CEP290: variants seen among roughly 807,000 people sequenced by gnomAD.
CEP290 encodes centrosomal protein 290.
In CEP290, 317 loss-of-function variants were observed where a neutral mutation model predicts 344.9. The ratio of observed to expected loss-of-function variants is 0.92; its 90% CI spans 0.84 to 1.01. The LOEUF (loss-of-function observed/expected upper bound fraction) is 1.01, where lower values mean the gene tolerates loss of function less well. Among genes scored for constraint, CEP290 ranks in the 50% least tolerant of loss-of-function variants. The pLI is 0.00. For missense variants in CEP290, 2,754 were observed against 2,761.4 expected, an observed-to-expected ratio of 1.00 and a Z score of 0.06; for synonymous variants, 932 against 895.8, an observed-to-expected ratio of 1.04 and a Z score of -0.72.
At chr12:88,128,822 T>G (rs1441732811) in intron 11 of CEP290, 124 bp downstream of exon 11, 1 of 544,444 alleles carries the variant, frequency 1.8e-6, no homozygotes, top group African/African-American at 2.0e-5. Context: ...TAAAATAAAC[T>G]TATGTTTAAA....
rs1431792160 is a variant in CEP290, at chr12:88,129,769, T to C, written c.777A>G (p.Arg259=). Residue 259 remains arginine (R), a synonymous_variant, in exon 10 of 54, where the codon AGA becomes AGG. Transcript: ENST00000552810. ...CTGTCTGATGCACAATAGCTTTCAT[T>C]CTATTATATTCATCAGTCATCTTCT... The part of the protein sequence containing the change: ...EMEKMTDEYN[R]MKAIVHQTDN... 3.4e-6 allele frequency: 5 copies of C among 1,482,640 alleles called. No individual in the cohort carries two copies. The highest frequency in any genetic ancestry group is 4.5e-6 in the Non-Finnish European group (5 of 1,105,048). The allele number at this position is 1,482,640 out of a possible 1,614,324, so 91.8% of individuals were successfully genotyped here.
chr12:88,131,902 A>T (rs1480045687), intron 6 of CEP290, among the ~76,000 whole-genome samples: 1 of 152,204 alleles, frequency 6.6e-6, no homozygotes, highest in Non-Finnish European at 1.5e-5. Context: ...AACATAAATT[A>T]CTTAGAAATA....
chr12:88,097,167 C>CAT (rs913585692), intron 26 of CEP290, among the ~76,000 whole-genome samples, 168 bp from the exon 27 acceptor site: 13 of 151,852 alleles, frequency 8.6e-5, no homozygotes, highest in Non-Finnish European at 1.3e-4. Context: ...CAAACACATA[C>CAT]ATATATATAT....
chr12:88,115,325 T>C (rs866516189), intron 18 of CEP290, 143 bp from the exon 19 acceptor site: 5 of 690,880 alleles, frequency 7.2e-6, no homozygotes, highest in Middle Eastern at 5.1e-4. Flanking sequence ...GCAGCAATCA[T>C]AAAAATAAAC....
At chr12:88,124,517 T>A (rs903252499) in intron 13 of CEP290, among the ~76,000 whole-genome samples, 4 of 152,114 alleles carry the variant, frequency 2.6e-5, no homozygotes, top group African/African-American at 9.7e-5. Context: ...CTATTTCTTC[T>A]TCATGTCATA....
intron 46 of CEP290, among the ~76,000 whole-genome samples, 200 bp from the exon 47 acceptor site, chr12:88,061,194 G>C (rs887535526): frequency 5.9e-5 from 9 of 152,062 alleles, no homozygotes; most frequent in African/African-American, 2.2e-4. Context: ...CAAGACTTAG[G>C]AAATTTGACA....
intron 50 of CEP290, among the ~76,000 whole-genome samples, chr12:88,054,957 G>C (rs905538020): frequency 6.6e-6 from 1 of 152,128 alleles, no homozygotes; most frequent in African/African-American, 2.4e-5. Context: ...TTAAAGTACT[G>C]AAAGAAGGTT....
intron 43 of CEP290, among the ~76,000 whole-genome samples, chr12:88,069,951 G>T (rs1277892009): frequency 1.3e-5 from 2 of 152,164 alleles, no homozygotes; most frequent in Non-Finnish European, 2.9e-5. Flanking sequence ...TACCTTGGAA[G>T]AAATGAGCGA....
In CEP290 at chr12:88,077,840, G is replaced by A; in HGVS notation, c.5443C>T (p.Leu1815=). 6.7e-7 allele frequency: 1 copy of A among 1,494,682 alleles called. No homozygotes were observed. Among genetic ancestry groups the A allele is most frequent in the Non-Finnish European group, 9.1e-7 (1 of 1,093,440 alleles). 92.6% of individuals were successfully genotyped at this position (1,494,682 alleles called of 1,614,324 possible). ...LKTSKNRENS[L]TDNLNDLNNE... ...TTTAAGTCATTCAAATTATCAGTTA[G>A]TGAGTTTTCTCTGTTTTTACTTGTT... Residue 1815 remains leucine, a synonymous_variant, in exon 40 of 54, where the codon CTA becomes TTA. Transcript: ENST00000552810.
chr12:88,090,799 T>G lies in CEP290; in HGVS notation c.3502A>C (p.Ile1168Leu). The G allele has an allele frequency of 6.4e-7, 1 of 1,561,044 alleles. No individual in the cohort carries two copies. Among genetic ancestry groups the G allele is most frequent in the Non-Finnish European group, 8.7e-7 (1 of 1,150,720 alleles). ...CTAGATTGTTGTTGTGCATTCAAAATTTCAACTTGTCTTCTGGCAATATCA... is the reference window on the plus strand; with the variant it reads ...CTAGATTGTTGTTGTGCATTCAAAAGTTCAACTTGTCTTCTGGCAATATCA... Reference protein sequence around the residue: ...ISDIARRQVEILNAQQQSRDK... With the variant: ...ISDIARRQVELLNAQQQSRDK... Residue 1168 changes from isoleucine (I) to leucine (L), a missense_variant, in exon 30 of 54, where the codon ATT becomes CTT. Ile to Leu is a conservative substitution (Grantham distance 5). Transcript: ENST00000552810.
intron 41 of CEP290, among the ~76,000 whole-genome samples, chr12:88,075,830 T>A (rs2035729473): frequency 6.6e-6 from 1 of 152,242 alleles, no homozygotes; most frequent in Non-Finnish European, 1.5e-5. Context: ...CTCTTTCTAG[T>A]TAGTAGTAAT....
intron 41 of CEP290, among the ~76,000 whole-genome samples, chr12:88,076,303 G>A (rs140180791): frequency 6.6e-6 from 1 of 152,044 alleles, no homozygotes; most frequent in South Asian, 2.1e-4. Context: ...AATTTTGGGA[G>A]CATACTCTAT....
At chr12:88,122,814 G>A (rs2039490295) in intron 13 of CEP290, among the ~76,000 whole-genome samples, 1 of 151,970 alleles carries the variant, frequency 6.6e-6, no homozygotes, top group Non-Finnish European at 1.5e-5. Flanking sequence ...TATATCGTGG[G>A]CTCTTGAAGT....
chr12:88,117,055 T>C lies in CEP290; in HGVS notation c.1802A>G (p.Asn601Ser). Residue 601 changes from asparagine (N) to serine (S), a missense_variant, in exon 18 of 54, where the codon AAT (asparagine) becomes AGT (serine). Transcript: ENST00000552810. ...TACCTTTGATTGTGCTTCACTCATA[T>C]TTTTGAGGCTCAATAAATCCAATTT... ...ERKLDLLSLK[N>S]MSEAQSKNEF... 6.5e-7 allele frequency: 1 copy of C among 1,527,646 alleles called. No homozygotes were observed. Among genetic ancestry groups the C allele is most frequent in the Non-Finnish European group, 8.9e-7 (1 of 1,120,496 alleles). The allele number at this position is 1,527,646 out of a possible 1,614,324, so 94.6% of individuals were successfully genotyped here. A position where few individuals can be genotyped will look rare whatever the true frequency, so the allele number is the denominator to read the frequency against.
intron 17 of CEP290, 85 bp downstream of exon 17, chr12:88,118,398 A>G: frequency 8.9e-7 from 1 of 1,123,912 alleles, no homozygotes. Flanking sequence ...AGAACAGCAA[A>G]AACAGCTAAG....
chr12:88,079,266 G>C, intron 38 of CEP290, 37 bp from the exon 39 acceptor site: 1 of 1,501,644 alleles, frequency 6.7e-7, no homozygotes, highest in Non-Finnish European at 9.0e-7. Flanking sequence ...AATTTTTAAA[G>C]GAAAACTGAC....
In CEP290 at chr12:88,087,788, G is replaced by C. The variant is rs1459653241; in HGVS notation, c.4186C>G (p.Gln1396Glu). 11 of 1,124,404 alleles carry C rather than the reference G, an allele frequency of 9.8e-6. No homozygotes were observed. Among genetic ancestry groups the C allele is most frequent in the Non-Finnish European group, 1.2e-5 (10 of 861,236 alleles). The allele number at this position is 1,124,404 out of a possible 1,614,324, so 69.7% of individuals were successfully genotyped here. Residue 1396 changes from glutamine to glutamate, a missense_variant, in exon 32 of 54, where the codon CAG becomes GAG. By Grantham distance (29) the Gln-to-Glu change is conservative (BLOSUM62 2). Transcript: ENST00000552810. The part of the protein sequence containing the change: ...ISSLEEEIVQ[Q>E]NKFHEERQMA... ...TAAATATAAAATAAAACCTTGTTCT[G>C]TTGCACAATTTCTTCTTCAAGACTG... is the stretch of plus-strand genomic sequence containing the variant.
rs376251793 is a variant in CEP290 at position 88,107,057 on chromosome 12, T to C, written c.2525A>G (p.Glu842Gly). The part of the protein sequence containing the change: ...TWKTESKTIK[E>G]EKRKLEDQVQ... Reference sequence around the variant, plus strand: ...TTGATCCTCAAGTTTTCTCTTTTCCTCTTTTATTGTTTTAGATTCTGTTTT... The same window carrying C: ...TTGATCCTCAAGTTTTCTCTTTTCCCCTTTTATTGTTTTAGATTCTGTTTT... Residue 842 changes from glutamate to glycine, a missense_variant, in exon 24 of 54, where the codon GAG becomes GGG. Glu to Gly is a moderately conservative substitution (Grantham distance 98). Transcript: ENST00000552810. 6.4e-7 allele frequency: 1 copy of C among 1,554,288 alleles called. No individual in the cohort carries two copies. Among genetic ancestry groups the C allele is most frequent in the Non-Finnish European group, 8.7e-7 (1 of 1,150,740 alleles).
chr12:88,054,886 A>G (rs2033873887), intron 50 of CEP290, among the ~76,000 whole-genome samples: 1 of 152,096 alleles, frequency 6.6e-6, no homozygotes, highest in Non-Finnish European at 1.5e-5. Flanking sequence ...ATTTGGGTGA[A>G]CAGTATTCTA....
Sources: gnomAD v4.1 joint callset for allele counts (sites outside exome capture counted in the v4.1 genomes callset) on GRCh38, gnomAD v4.1.1 for gene constraint, MANE v1.5 for transcripts, NCBI Gene and HGNC (gene_info 2026-07-23, HGNC 2026-07-21) for gene names.